SLC14A2: variants seen among roughly 807,000 people sequenced by gnomAD.
SLC14A2 encodes the protein urea transporter 2.
SLC14A2 carries 91 observed loss-of-function variants against 104.6 expected under a neutral mutation model. The ratio of observed to expected loss-of-function variants is 0.87; its 90% confidence interval spans 0.73 to 1.04. The LOEUF is 1.04. Ranked by LOEUF, SLC14A2 falls within the 50% of genes least tolerant of loss-of-function variation. SLC14A2 has a pLI of 0.00. For synonymous variants in SLC14A2, 476 were observed against 466.4 expected (o/e 1.02, Z -0.27); for missense variants, 1,189 against 1,156.0 (o/e 1.03, Z -0.41).
At chr18:45,439,272 C>T (rs144052404) in intron 1 of SLC14A2, among the ~76,000 whole-genome samples, 2 of 152,094 alleles carry the variant, frequency 1.3e-5, no homozygotes, top group South Asian at 2.1e-4. Context: ...GAGCAAGACT[C>T]TATCTCTTAA....
intron 1 of SLC14A2, among the ~76,000 whole-genome samples, chr18:45,359,845 G>A (rs112181338): frequency 1.2e-4 from 18 of 152,338 alleles, no homozygotes; most frequent in African/African-American, 4.3e-4. Flanking sequence ...TCCAACTGAT[G>A]AAATGATAGG....
chr18:45,666,960 CTG>C lies in SLC14A2; in HGVS notation c.1584_1585del (p.Glu529AspfsTer43). 1 of 1,614,032 alleles carries C rather than the reference CTG, an allele frequency of 6.2e-7. No homozygotes were observed. Among genetic ancestry groups the C allele is most frequent in the South Asian group, 1.1e-5 (1 of 91,082 alleles). ...GATCTGGACACCATGGAGGAGAGCTCTGAGATAAAAGTGGAAACAAACATTTC... is the reference window on the plus strand; with the variant it reads ...GATCTGGACACCATGGAGGAGAGCTCAGATAAAAGTGGAAACAAACATTTC... On this transcript the variant is annotated frameshift_variant, in exon 13 of 20. Coordinates refer to ENST00000255226, the MANE Select transcript of SLC14A2 (RefSeq NM_007163.4). LOFTEE classifies it high-confidence loss of function.
chr18:45,540,414 G>A (rs2043868220), intron 2 of SLC14A2, among the ~76,000 whole-genome samples: 1 of 152,114 alleles, frequency 6.6e-6, no homozygotes, highest in Admixed American at 6.5e-5. Context: ...ACACTGCTTG[G>A]AGAGTTAGCA....
At chr18:45,614,581 G>C (rs1332437541), upstream of SLC14A2, among the ~76,000 whole-genome samples, 1 of 152,206 alleles carries the variant, frequency 6.6e-6, no homozygotes, top group Non-Finnish European at 1.5e-5. Flanking sequence ...TGAGTCTGTG[G>C]GAGCCCACCT....
chr18:45,415,607 T>C (rs1181437869), intron 1 of SLC14A2, among the ~76,000 whole-genome samples: 1 of 152,160 alleles, frequency 6.6e-6, no homozygotes, highest in African/African-American at 2.4e-5. Flanking sequence ...AATTTTTATT[T>C]AGAAAACTGA....
At chr18:45,677,862 T>A (rs2046252290) in intron 18 of SLC14A2, among the ~76,000 whole-genome samples, 1 of 152,334 alleles carries the variant, frequency 6.6e-6, no homozygotes, top group South Asian at 2.1e-4. Context: ...TCACCCAGGC[T>A]AGATCACAGT....
At chr18:45,474,281 G>A (rs1009673881) in intron 1 of SLC14A2, among the ~76,000 whole-genome samples, 7 of 152,224 alleles carry the variant, frequency 4.6e-5, no homozygotes, top group Non-Finnish European at 7.4e-5. Context: ...TGGTTTGCCC[G>A]TATTTTATTG....
intron 1 of SLC14A2, among the ~76,000 whole-genome samples, chr18:45,351,778 G>T (rs1191564298): frequency 1.3e-5 from 2 of 152,202 alleles, no homozygotes; most frequent in African/African-American, 4.8e-5. Flanking sequence ...TACATGGAGA[G>T]ATGAGACAGA....
At chr18:45,549,560 C>G (rs76604046) in intron 2 of SLC14A2, among the ~76,000 whole-genome samples, 1 of 152,162 alleles carries the variant, frequency 6.6e-6, no homozygotes, top group African/African-American at 2.4e-5. Context: ...CCACCTCTGC[C>G]CCAGTGGAGT....
chr18:45,345,886 C>A (rs1471122967), intron 1 of SLC14A2, among the ~76,000 whole-genome samples: 1 of 152,126 alleles, frequency 6.6e-6, no homozygotes, highest in Non-Finnish European at 1.5e-5. Context: ...CTAGGTAATG[C>A]CAGCTGCTCT....
At chr18:45,434,985 A>G (rs2086573814) in intron 1 of SLC14A2, among the ~76,000 whole-genome samples, 1 of 152,224 alleles carries the variant, frequency 6.6e-6, no homozygotes, top group Non-Finnish European at 1.5e-5. Context: ...AATAATCTCT[A>G]TATAAAAATA....
At chr18:45,630,863 G>C (rs1018361340) in intron 4 of SLC14A2, among the ~76,000 whole-genome samples, 5 of 152,156 alleles carry the variant, frequency 3.3e-5, no homozygotes, top group African/African-American at 9.7e-5. Context: ...CCTGTGTCCA[G>C]TACAAGTGTC....
chr18:45,295,240 G>T (rs1334921824), intron 1 of SLC14A2, among the ~76,000 whole-genome samples: 1 of 151,978 alleles, frequency 6.6e-6, no homozygotes, highest in Non-Finnish European at 1.5e-5. Flanking sequence ...TCTCAAACTT[G>T]TTCCCCATTG....
At chr18:45,445,685 T>A (rs1433365022) in intron 1 of SLC14A2, among the ~76,000 whole-genome samples, 1 of 152,238 alleles carries the variant, frequency 6.6e-6, no homozygotes, top group Non-Finnish European at 1.5e-5. Context: ...CCCAACAAGC[T>A]ACAGATTAGG....
chr18:45,359,232 G>A (rs951242299), intron 1 of SLC14A2, among the ~76,000 whole-genome samples: 5 of 152,182 alleles, frequency 3.3e-5, no homozygotes, highest in Non-Finnish European at 7.3e-5. Context: ...GCTGGTTTGA[G>A]CTGAAATGGA....
At chr18:45,368,720 G>A (rs185903716) in intron 1 of SLC14A2, among the ~76,000 whole-genome samples, 1 of 152,160 alleles carries the variant, frequency 6.6e-6, no homozygotes, top group Non-Finnish European at 1.5e-5. Flanking sequence ...AGACGAAAGG[G>A]CTCAAGACAA....
intron 1 of SLC14A2, among the ~76,000 whole-genome samples, chr18:45,397,042 A>G (rs2086041759): frequency 6.6e-6 from 1 of 152,186 alleles, no homozygotes. Flanking sequence ...TTTATGTACC[A>G]CATTTTCTTT....
At chr18:45,583,542 T>C (rs192499560) in intron 2 of SLC14A2, among the ~76,000 whole-genome samples, 6 of 152,290 alleles carry the variant, frequency 3.9e-5, no homozygotes, top group African/African-American at 1.4e-4. Context: ...TCCGTATACA[T>C]GGTATTTATT....
At chr18:45,392,034 T>C (rs1043861056) in intron 1 of SLC14A2, among the ~76,000 whole-genome samples, 16 of 152,256 alleles carry the variant, frequency 1.1e-4, no homozygotes, top group Non-Finnish European at 1.8e-4. Context: ...AATATTGTTA[T>C]ACCTGTTTTA....
Sources: allele counts gnomAD v4.1 joint callset (sites outside exome capture counted in the v4.1 genomes callset), GRCh38; gene constraint gnomAD v4.1.1; transcripts MANE v1.5; gene names NCBI Gene and HGNC (gene_info 2026-07-23, HGNC 2026-07-21).